Variants in TM9SF2 observed in about 807,000 individuals in gnomAD.
TM9SF2 encodes the protein transmembrane 9 superfamily member 2, also known as 76 kDa membrane protein.
TM9SF2 carries 13 observed loss-of-function variants against 84.9 expected under a neutral mutation model. That is an observed-to-expected ratio of 0.15 (90% CI 0.10 to 0.24). TM9SF2 has a LOEUF of 0.24. TM9SF2 is among the 10% of genes least tolerant of loss of function. TM9SF2 has a pLI of 1.00. For synonymous variants in TM9SF2, 273 were observed against 285.8 expected (o/e 0.96, Z 0.45); for missense variants, 562 against 818.5 (o/e 0.69, Z 3.82).
At chr13:99,516,031 C>T (rs761273822) in intron 1 of TM9SF2, among the ~76,000 whole-genome samples, 19 of 152,158 alleles carry the variant, frequency 1.2e-4, no homozygotes, top group Middle Eastern at 3.4e-3. Flanking sequence ...TGTGCCCAGC[C>T]GAGAAATACT....
At chr13:99,511,150 C>A (rs1007706170) in intron 1 of TM9SF2, among the ~76,000 whole-genome samples, 3 of 151,950 alleles carry the variant, frequency 2.0e-5, no homozygotes, top group African/African-American at 7.3e-5. Context: ...ACTTCAAAGC[C>A]CTTTTTCTGG....
chr13:99,555,653 T>C lies in TM9SF2; in HGVS notation c.1752+6T>C, dbSNP rs537007052. Reference sequence around the variant, plus strand: ...ATTTCCACCTATGTGCAGAGGTATGTATTAGCAGTATTCACTTATGTTAAT... The same window carrying C: ...ATTTCCACCTATGTGCAGAGGTATGCATTAGCAGTATTCACTTATGTTAAT... On this transcript the variant is annotated splice_donor_region_variant and intron_variant, in intron 15 of 16. Coordinates refer to ENST00000376387, the MANE Select transcript of TM9SF2 (RefSeq NM_004800.3). The C allele has an allele frequency of 6.3e-7, 1 of 1,580,158 alleles. No homozygotes were observed. The highest frequency in any genetic ancestry group is 1.1e-5 in the South Asian group (1 of 88,836).
At chr13:99,551,536 A>G (rs1770135220) in intron 12 of TM9SF2, among the ~76,000 whole-genome samples, 1 of 152,242 alleles carries the variant, frequency 6.6e-6, no homozygotes, top group Non-Finnish European at 1.5e-5. Flanking sequence ...TCTCTTAAGC[A>G]GAGTGCACAA....
chr13:99,509,062 C>T (rs1169188356), intron 1 of TM9SF2, among the ~76,000 whole-genome samples: 1 of 152,164 alleles, frequency 6.6e-6, no homozygotes, highest in African/African-American at 2.4e-5. Flanking sequence ...TCCCTTCTAC[C>T]TATGAGCCTG....
chr13:99,514,859 A>C (rs923810877), intron 1 of TM9SF2, among the ~76,000 whole-genome samples: 1 of 152,232 alleles, frequency 6.6e-6, no homozygotes, highest in African/African-American at 2.4e-5. Flanking sequence ...ATGTAATAGT[A>C]AATACGGTAC....
At chr13:99,549,939 C>T (rs1056483259) in intron 12 of TM9SF2, among the ~76,000 whole-genome samples, 3 of 152,210 alleles carry the variant, frequency 2.0e-5, no homozygotes, top group Admixed American at 2.0e-4. Context: ...AATATTCTCT[C>T]TATCACCTCC....
rs761449609 is a variant in TM9SF2 at position 99,537,722 on chromosome 13, T to A, written c.592-17T>A. On this transcript the variant is annotated splice_polypyrimidine_tract_variant and intron_variant, in intron 5 of 16. Transcript: ENST00000376387. ...TAGTCAGTTTTCTACCTTTAACTTT[T>A]AAGTTCTGTTCTGCAGTCAGATTTC... 3 of 1,584,398 alleles carry A rather than the reference T, an allele frequency of 1.9e-6. No individual in the cohort carries two copies. The highest frequency in any genetic ancestry group is 2.6e-6 in the Non-Finnish European group (3 of 1,171,792).
At chr13:99,517,407 G>T (rs1183014261) in intron 1 of TM9SF2, among the ~76,000 whole-genome samples, 1 of 152,208 alleles carries the variant, frequency 6.6e-6, no homozygotes, top group Non-Finnish European at 1.5e-5. Context: ...TTACAGGTGT[G>T]AGCCACCATT....
chr13:99,535,549 G>A (rs1184910288), intron 4 of TM9SF2, among the ~76,000 whole-genome samples: 1 of 152,146 alleles, frequency 6.6e-6, no homozygotes, highest in Non-Finnish European at 1.5e-5. Flanking sequence ...CTAGCCTGCT[G>A]ATTATAATAA....
At chr13:99,543,237 C>T (rs2046268376) in intron 9 of TM9SF2, among the ~76,000 whole-genome samples, 1 of 152,220 alleles carries the variant, frequency 6.6e-6, no homozygotes, top group Admixed American at 6.5e-5. Context: ...CCTGCACACA[C>T]CCATACATCC....
At chr13:99,537,611 A>T in intron 5 of TM9SF2, 128 bp from the exon 6 acceptor site, 1 of 719,058 alleles carries the variant, frequency 1.4e-6, no homozygotes, top group Non-Finnish European at 2.1e-6. Flanking sequence ...GAAACATGTT[A>T]ATGTGAAAGG....
intron 4 of TM9SF2, among the ~76,000 whole-genome samples, chr13:99,532,084 TTC>T (rs1219295380): frequency 6.6e-6 from 1 of 151,478 alleles, no homozygotes; most frequent in Non-Finnish European, 1.5e-5. Flanking sequence ...CGGAATCTCG[TTC>T]TGTCACCCAG....
At position 99,562,927 on chromosome 13, in the gene TM9SF2, T is replaced by C. The variant is rs921928348; in HGVS notation, c.*169T>C. The C allele has an allele frequency of 1.3e-4, 72 of 570,610 alleles. 1 individual carries two copies. The highest frequency in any genetic ancestry group is 2.0e-4 in the South Asian group (8 of 40,500). The allele number at this position is 570,610 out of a possible 1,614,324, so 35.3% of individuals were successfully genotyped here. A position where few individuals can be genotyped will look rare whatever the true frequency, so the allele number is the denominator to read the frequency against. On this transcript the variant is annotated 3_prime_UTR_variant, in exon 17 of 17. Transcript: ENST00000376387. The stretch of plus-strand genomic sequence containing the variant: ...CCATACACCTTTCCCCCATAAGATG[T>C]GTCTTCAACACTATAAAGCATTTGT...
At chr13:99,548,915 AAAG>A (rs1396616967) in intron 11 of TM9SF2, among the ~76,000 whole-genome samples, 2 of 152,192 alleles carry the variant, frequency 1.3e-5, no homozygotes, top group Non-Finnish European at 2.9e-5. Flanking sequence ...TGTGAGGGGA[AAAG>A]AAGAACTGAT....
At chr13:99,517,357 C>T (rs2046139246) in intron 1 of TM9SF2, among the ~76,000 whole-genome samples, 1 of 152,130 alleles carries the variant, frequency 6.6e-6, no homozygotes, top group Non-Finnish European at 1.5e-5. Context: ...AACTCCTGGC[C>T]TCAAGTGATC....
intron 1 of TM9SF2, among the ~76,000 whole-genome samples, chr13:99,509,611 G>A (rs1166793371): frequency 2.6e-5 from 4 of 152,216 alleles, no homozygotes; most frequent in African/African-American, 9.7e-5. Flanking sequence ...AGCTGGAGTG[G>A]CCTGAATGCT....
intron 1 of TM9SF2, among the ~76,000 whole-genome samples, chr13:99,505,268 T>C (rs2046084049): frequency 6.6e-6 from 1 of 151,420 alleles, no homozygotes; most frequent in Admixed American, 6.6e-5. Context: ...TTATCCTGCC[T>C]CAGCCCCCTG....
Position 99,520,024 on chromosome 13 carries a change from T to C in TM9SF2, c.240-12T>C, listed in dbSNP as rs555784682. The stretch of plus-strand genomic sequence containing the variant: ...CCTTTTATGTGTAAAAATTTAAATA[T>C]TCTTCTCCCAGGTTTGATTTTTGCC... On this transcript the variant is annotated splice_polypyrimidine_tract_variant and intron_variant, in intron 2 of 16. Coordinates refer to ENST00000376387, the MANE Select transcript of TM9SF2 (RefSeq NM_004800.3). 4 of 1,610,738 alleles carry C rather than the reference T, an allele frequency of 2.5e-6. No individual in the cohort carries two copies. The highest frequency in any genetic ancestry group is 1.1e-5 in the South Asian group (1 of 90,334).
At chr13:99,558,629 T>C (rs1232313625) in intron 15 of TM9SF2, among the ~76,000 whole-genome samples, 1 of 152,196 alleles carries the variant, frequency 6.6e-6, no homozygotes, top group African/African-American at 2.4e-5. Context: ...CTTCTCAGAT[T>C]GCTCATTGCT....
Sources: gnomAD v4.1 joint callset for allele counts (sites outside exome capture counted in the v4.1 genomes callset) on GRCh38, gnomAD v4.1.1 for gene constraint, MANE v1.5 for transcripts, NCBI Gene and HGNC (gene_info 2026-07-23, HGNC 2026-07-21) for gene names.